Variants in DLGAP1 observed in about 807,000 individuals in gnomAD.
DLGAP1 encodes disks large-associated protein 1.
A neutral mutation model predicts 90.8 loss-of-function variants in DLGAP1; 11 were observed. The observed-to-expected ratio is 0.12, with a 90% CI of 0.08 to 0.20. The LOEUF (loss-of-function observed/expected upper bound fraction) is 0.20, where lower values mean the gene tolerates loss of function less well. Ranked by LOEUF, DLGAP1 falls within the 10% of genes least tolerant of loss-of-function variation. The pLI is 1.00. For missense variants in DLGAP1, 1,050 were observed against 1,333.8 expected (o/e 0.79, Z 3.31); for synonymous variants, 558 against 540.7 (o/e 1.03, Z -0.44).
chr18:4,341,376 A>C (rs1010292222), intron 1 of DLGAP1, among the ~76,000 whole-genome samples: 4 of 152,166 alleles, frequency 2.6e-5, no homozygotes, highest in African/African-American at 9.7e-5. Context: ...AAATTAATAA[A>C]ACAAGACAAT....
chr18:3,575,061 A>G (rs2055042918), intron 8 of DLGAP1, among the ~76,000 whole-genome samples: 1 of 152,060 alleles, frequency 6.6e-6, no homozygotes. Context: ...TGATCTGCCC[A>G]CCTAGGCCTC....
In DLGAP1 at chr18:4,303,195, T is replaced by A. The variant is rs74489242; in HGVS notation, c.-267+151811A>T. ...AATTAGTCTGATATCGATAGCTTCA[T>A]TGAGCTCTGGAAAAGAATGTGTGGC... is the stretch of plus-strand genomic sequence containing the variant. On this transcript the variant is annotated intron_variant, in intron 1 of 12. Coordinates refer to ENST00000315677, the MANE Select transcript of DLGAP1 (RefSeq NM_004746.4). Among the ~76,000 whole-genome samples the A allele has an allele frequency of 6.6e-5, 10 of 152,338 alleles. 1 individual carries two copies. The East Asian group carries it at 1.9e-3, about 29-fold the overall frequency.
At position 3,547,259 on chromosome 18, in the gene DLGAP1, G is replaced by A. The variant is rs529202413; in HGVS notation, c.2058-12644C>T. Among the ~76,000 whole-genome samples the A allele has an allele frequency of 2.5e-3, 328 of 132,798 alleles. 3 individuals carry two copies. The highest frequency in any genetic ancestry group is 9.9e-3 in the Middle Eastern group (2 of 202). The allele number at this position is 132,798 out of a possible 152,430, so 87.1% of individuals were successfully genotyped here. A position where few individuals can be genotyped will look rare whatever the true frequency, so the allele number is the denominator to read the frequency against. ...GGAGCCTGCAGCAAGCCGAGATCGC[G>A]CCACTGCACTCCAGCCTGGGCAATA... On this transcript the variant is annotated intron_variant, in intron 9 of 12. Transcript: ENST00000315677.
intron 7 of DLGAP1, among the ~76,000 whole-genome samples, chr18:3,689,765 C>T (rs2060828227): frequency 6.6e-6 from 1 of 151,316 alleles, no homozygotes; most frequent in Non-Finnish European, 1.5e-5. Flanking sequence ...AAAAGTATGT[C>T]TTAAGAAAAA....
At chr18:3,937,179 A>C (rs1192002904) in intron 3 of DLGAP1, among the ~76,000 whole-genome samples, 3 of 152,226 alleles carry the variant, frequency 2.0e-5, no homozygotes, top group Non-Finnish European at 4.4e-5. Flanking sequence ...CATTTAATGC[A>C]ATTCCTGCTT....
chr18:3,872,225 C>CAAAAAA (rs5822772), intron 4 of DLGAP1, among the ~76,000 whole-genome samples: 73 of 86,958 alleles, frequency 8.4e-4, no homozygotes, highest in Middle Eastern at 6.8e-3. Context: ...CTCTCCAAGA[C>CAAAAAA]AAAAAAAAAA....
At chr18:4,038,043 T>C (rs1345861783) in intron 2 of DLGAP1, among the ~76,000 whole-genome samples, 2 of 152,206 alleles carry the variant, frequency 1.3e-5, no homozygotes, top group Non-Finnish European at 2.9e-5. Context: ...TTGATAGTCC[T>C]TCTATAATCA....
At chr18:3,599,359 G>A (rs577793584) in intron 7 of DLGAP1, among the ~76,000 whole-genome samples, 182 of 152,342 alleles carry the variant, frequency 1.2e-3, no homozygotes, top group African/African-American at 4.1e-3. Context: ...TCTGGGGAAC[G>A]CCCCTTAATG....
intron 7 of DLGAP1, among the ~76,000 whole-genome samples, chr18:3,630,460 C>T (rs1238661561): frequency 2.6e-5 from 4 of 152,278 alleles, no homozygotes; most frequent in South Asian, 2.1e-4. Flanking sequence ...TGGGAATTCT[C>T]GGCCTCTATA....
intron 7 of DLGAP1, among the ~76,000 whole-genome samples, chr18:3,673,171 G>A (rs2060160958): frequency 6.6e-6 from 1 of 152,082 alleles, no homozygotes; most frequent in Non-Finnish European, 1.5e-5. Flanking sequence ...CCACACCTCT[G>A]TGCGTGCCTG....
intron 8 of DLGAP1, among the ~76,000 whole-genome samples, chr18:3,576,758 G>A (rs1459430239): frequency 6.0e-5 from 9 of 151,082 alleles, no homozygotes; most frequent in African/African-American, 2.2e-4. Context: ...TAGAGATGGC[G>A]TTTCTCCATG....
At chr18:3,928,610 C>A (rs1271505172) in intron 3 of DLGAP1, among the ~76,000 whole-genome samples, 1 of 152,078 alleles carries the variant, frequency 6.6e-6, no homozygotes, top group Non-Finnish European at 1.5e-5. Flanking sequence ...CTTGACAACA[C>A]CTTAAAGTAG....
intron 1 of DLGAP1, among the ~76,000 whole-genome samples, chr18:4,325,512 TA>T (rs2080797709): frequency 6.6e-6 from 1 of 152,000 alleles, no homozygotes; most frequent in African/African-American, 2.4e-5. Context: ...AAAAACTATT[TA>T]AAAATTCATA....
intron 3 of DLGAP1, among the ~76,000 whole-genome samples, chr18:3,922,363 T>C (rs2072286040): frequency 6.6e-6 from 1 of 152,182 alleles, no homozygotes; most frequent in African/African-American, 2.4e-5. Context: ...TATGAAGTCT[T>C]TACCCCTGGA....
At chr18:3,912,681 T>C (rs2072061891) in intron 3 of DLGAP1, among the ~76,000 whole-genome samples, 1 of 152,208 alleles carries the variant, frequency 6.6e-6, no homozygotes, top group South Asian at 2.1e-4. Context: ...GTGCCTCTGA[T>C]GGAAACATAT....
chr18:4,245,870 G>A (rs1184502812), intron 1 of DLGAP1, among the ~76,000 whole-genome samples: 2 of 151,888 alleles, frequency 1.3e-5, no homozygotes, highest in South Asian at 4.2e-4. Context: ...ACAGGGCCCC[G>A]ACTCATCTTG....
chr18:3,619,571 T>C (rs1413804228), intron 7 of DLGAP1, among the ~76,000 whole-genome samples: 2 of 152,114 alleles, frequency 1.3e-5, no homozygotes, highest in Non-Finnish European at 2.9e-5. Context: ...CCTTCCCTCT[T>C]CTAGCCGCCC....
At position 3,718,413 on chromosome 18, in the gene DLGAP1, T is replaced by C. The variant is rs375035460; in HGVS notation, c.1591+10722A>G. The stretch of plus-strand genomic sequence containing the variant: ...CCCTTTGTGACTGTCCATGTGAAAG[T>C]TGGGTCATGTTTGATGGGGGCATTT... On this transcript the variant is annotated intron_variant, in intron 7 of 12. Transcript: ENST00000315677. Among the ~76,000 whole-genome samples the C allele has an allele frequency of 3.3e-5, 5 of 152,136 alleles. No individual in the cohort carries two copies. In the South Asian group the frequency reaches 8.3e-4, roughly 25 times the overall value.
intron 7 of DLGAP1, among the ~76,000 whole-genome samples, chr18:3,628,896 G>C (rs1309381325): frequency 6.6e-6 from 1 of 152,052 alleles, no homozygotes; most frequent in East Asian, 1.9e-4. Context: ...TACTATAGAT[G>C]GATATTTAGG....
Sources: gnomAD v4.1 joint callset for allele counts (sites outside exome capture counted in the v4.1 genomes callset) on GRCh38, gnomAD v4.1.1 for gene constraint, MANE v1.5 for transcripts, NCBI Gene and HGNC (gene_info 2026-07-23, HGNC 2026-07-21) for gene names.